The following ADAMTS2 variants were observed in gnomAD, a reference collection of about 807,000 sequenced individuals.
The protein encoded by ADAMTS2 is A disintegrin and metalloproteinase with thrombospondin motifs 2.
Under a neutral mutation model 123.0 loss-of-function variants are expected in ADAMTS2, and 50 were observed. That is an observed-to-expected ratio of 0.41 (90% CI 0.32 to 0.51). ADAMTS2 has a LOEUF of 0.51. ADAMTS2 is among the 20% of genes least tolerant of loss of function. The probability of loss-of-function intolerance (pLI) is 0.35; values close to 1 mark genes in which losing one functional copy is unlikely to be tolerated. For synonymous variants in ADAMTS2, 678 were observed against 695.4 expected (o/e 0.98, Z 0.39); for missense variants, 1,494 against 1,705.2 (o/e 0.88, Z 2.18).
At chr5:179,137,703 C>T in intron 12 of ADAMTS2, 66 bp downstream of exon 12, 1 of 1,510,070 alleles carries the variant, frequency 6.6e-7, no homozygotes, top group Non-Finnish European at 8.9e-7. Flanking sequence ...GAGGCACAAG[C>T]CCCCACCCTG....
intron 2 of ADAMTS2, among the ~76,000 whole-genome samples, chr5:179,342,591 C>G (rs571887628): frequency 6.6e-6 from 1 of 152,372 alleles, no homozygotes; most frequent in African/African-American, 2.4e-5. Context: ...CTCAGCTGCC[C>G]GAGTACGGGC....
intron 2 of ADAMTS2, among the ~76,000 whole-genome samples, chr5:179,299,824 C>T (rs1047843685): frequency 4.0e-5 from 6 of 151,800 alleles, no homozygotes; most frequent in African/African-American, 1.5e-4. Context: ...CTTGTCATGG[C>T]CAGCTCACAC....
rs533027181 is a variant in ADAMTS2 at position 179,129,124 on chromosome 5, A to C, written c.2457+808T>G. Among the ~76,000 whole-genome samples the C allele has an allele frequency of 6.6e-6, 1 of 152,236 alleles. No homozygotes were observed. Among genetic ancestry groups the C allele is most frequent in the East Asian group, 1.9e-4 (1 of 5,162 alleles). ...AGCAGGTGAATTTGCAAATACAGAA[A>C]CCGTGAGTGCCGAGGACCAGCTGCT... On this transcript the variant is annotated intron_variant, in intron 16 of 21. Coordinates refer to ENST00000251582, the MANE Select transcript of ADAMTS2 (RefSeq NM_014244.5). The surrounding 1 kb of genome is among the most constrained non-coding windows in gnomAD (Gnocchi z 4.1).
intron 3 of ADAMTS2, among the ~76,000 whole-genome samples, chr5:179,217,058 G>A (rs1472650154): frequency 6.6e-6 from 1 of 152,250 alleles, no homozygotes; most frequent in Non-Finnish European, 1.5e-5. Flanking sequence ...GCACAGGTCT[G>A]TAAGGAGGCA....
chr5:179,153,734 T>C, intron 8 of ADAMTS2, 111 bp from the exon 9 acceptor site: 1 of 1,421,794 alleles, frequency 7.0e-7, no homozygotes, highest in Non-Finnish European at 9.4e-7. Flanking sequence ...TACCTGCACA[T>C]CCCGGCCCCT....
chr5:179,272,819 G>A lies in ADAMTS2; in HGVS notation c.688+92C>T. The A allele has an allele frequency of 1.3e-6, 2 of 1,500,540 alleles. No individual in the cohort carries two copies. Among genetic ancestry groups the A allele is most frequent in the East Asian group, 2.3e-5 (1 of 44,072 alleles). 93.0% of individuals were successfully genotyped at this position (1,500,540 alleles called of 1,614,324 possible). On this transcript the variant is annotated intron_variant, in intron 3 of 21. Transcript: ENST00000251582. The surrounding 1 kb of genome is among the most constrained non-coding windows in gnomAD (Gnocchi z 5.8). ...TCAGCCTCAGCAGCCAAGCTGGTCT[G>A]TGGAGAGCTGCCTGAGTCTCTGGGA...
chr5:179,183,177 A>C (rs1035699570), intron 4 of ADAMTS2, among the ~76,000 whole-genome samples: 1 of 152,256 alleles, frequency 6.6e-6, no homozygotes, highest in African/African-American at 2.4e-5. Context: ...TTTGAGGGTC[A>C]GACTAGATTG....
At chr5:179,137,721 T>G in intron 12 of ADAMTS2, 48 bp downstream of exon 12, 89 of 623,386 alleles carry the variant, frequency 1.4e-4, no homozygotes, top group Non-Finnish European at 2.2e-4. Context: ...CTGCCCACCC[T>G]AGGGCCTGCC....
chr5:179,169,851 G>A (rs1022119603), intron 5 of ADAMTS2, among the ~76,000 whole-genome samples: 1 of 152,202 alleles, frequency 6.6e-6, no homozygotes, highest in Non-Finnish European at 1.5e-5. Context: ...ATTCCAGCAA[G>A]CATTCCACAC....
At chr5:179,261,060 C>T (rs181906926) in intron 3 of ADAMTS2, among the ~76,000 whole-genome samples, 51 of 152,182 alleles carry the variant, frequency 3.4e-4, no homozygotes, top group Non-Finnish European at 6.6e-4. Flanking sequence ...GTGCAACTAA[C>T]GCTAACAAAA....
chr5:179,297,961 C>T (rs1756389761), intron 2 of ADAMTS2, among the ~76,000 whole-genome samples: 1 of 152,118 alleles, frequency 6.6e-6, no homozygotes, highest in Admixed American at 6.5e-5. Flanking sequence ...GCTGCTCCCT[C>T]CCACGCACCA....
chr5:179,132,395 T>C lies in ADAMTS2; in HGVS notation c.2210-85A>G. The stretch of plus-strand genomic sequence containing the variant: ...ACCATGCAAGGAGGGGCCTCGCTCT[T>C]GAAGGCAGCTCCTCCGGAGGCTCTC... On this transcript the variant is annotated intron_variant, in intron 14 of 21. Transcript: ENST00000251582. This position sits in a 1 kb window ranked among gnomAD's most constrained non-coding sequence, Gnocchi z 6.1. 7.6e-7 allele frequency: 1 copy of C among 1,323,894 alleles called. No individual in the cohort carries two copies. The allele number at this position is 1,323,894 out of a possible 1,614,324, so 82.0% of individuals were successfully genotyped here. A position where few individuals can be genotyped will look rare whatever the true frequency, so the allele number is the denominator to read the frequency against.
intron 5 of ADAMTS2, among the ~76,000 whole-genome samples, chr5:179,179,777 G>A (rs1581171192): frequency 6.6e-6 from 1 of 151,986 alleles, no homozygotes; most frequent in Non-Finnish European, 1.5e-5. Context: ...AGTATTCCTG[G>A]GATCCCTTCT....
intron 4 of ADAMTS2, among the ~76,000 whole-genome samples, chr5:179,182,586 G>A (rs925309614): frequency 3.9e-5 from 6 of 152,182 alleles, no homozygotes; most frequent in African/African-American, 1.4e-4. Context: ...CATCGGTGCT[G>A]GGAACAAAGA....
intron 3 of ADAMTS2, among the ~76,000 whole-genome samples, chr5:179,250,205 G>C (rs182389664): frequency 1.4e-4 from 22 of 152,188 alleles, no homozygotes; most frequent in African/African-American, 5.3e-4. Flanking sequence ...GCATGATAAA[G>C]GGTATTTACG....
At chr5:179,183,482 C>A (rs1420414794) in intron 4 of ADAMTS2, among the ~76,000 whole-genome samples, 1 of 152,226 alleles carries the variant, frequency 6.6e-6, no homozygotes, top group Admixed American at 6.5e-5. Context: ...TTGATCCTGG[C>A]TGCTGCCTGG....
At chr5:179,207,479 C>A (rs372898523) in intron 4 of ADAMTS2, 34 bp downstream of exon 4, 14 of 873,192 alleles carry the variant, frequency 1.6e-5, no homozygotes, top group East Asian at 2.8e-5. Context: ...TGACCCTCCC[C>A]GCCCCACCCT....
At position 179,121,513 on chromosome 5, in the gene ADAMTS2, G is replaced by C. The variant is rs2303640; in HGVS notation, c.3178+148C>G. The C allele has an allele frequency of 0.26, 147,625 of 569,680 alleles. 20,518 individuals carry two copies. Among genetic ancestry groups the C allele is most frequent in the East Asian group, 0.39 (12,537 of 32,354 alleles). The allele number at this position is 569,680 out of a possible 1,614,324, so 35.3% of individuals were successfully genotyped here. A position where few individuals can be genotyped will look rare whatever the true frequency, so the allele number is the denominator to read the frequency against. ...GCCCGGAGCGGACGCCGAGCTCAGA[G>C]GCCCGGGAGAAAACGGTCACCCCAG... is the stretch of plus-strand genomic sequence containing the variant. On this transcript the variant is annotated intron_variant, in intron 21 of 21. Coordinates refer to ENST00000251582, the MANE Select transcript of ADAMTS2 (RefSeq NM_014244.5).
At chr5:179,280,830 A>G (rs74293437) in intron 2 of ADAMTS2, among the ~76,000 whole-genome samples, 8,121 of 152,246 alleles carry the variant, frequency 0.053, 430 homozygotes, top group East Asian at 0.26. Flanking sequence ...CTGAAAAGGG[A>G]ATCATTTTTC....
Sources: gnomAD v4.1 joint callset for allele counts (sites outside exome capture counted in the v4.1 genomes callset) on GRCh38, gnomAD v4.1.1 for gene constraint, Gnocchi (gnomAD v3.1) non-coding constraint, MANE v1.5 for transcripts, NCBI Gene and HGNC (gene_info 2026-07-23, HGNC 2026-07-21) for gene names.